The following THADA variants were observed in gnomAD, a reference collection of about 807,000 sequenced individuals.
THADA encodes the protein tRNA (32-2'-O)-methyltransferase regulator THADA.
A neutral mutation model predicts 219.8 loss-of-function variants in THADA; 213 were observed. The ratio of observed to expected loss-of-function variants is 0.97; its 90% CI spans 0.87 to 1.09. THADA has a LOEUF of 1.09. Ranked by LOEUF, THADA falls within the 50% of genes least tolerant of loss-of-function variation. The pLI is 0.00. For missense variants in THADA, 2,956 were observed against 2,311.3 expected (o/e 1.28, Z -5.72); for synonymous variants, 1,018 against 828.9 (o/e 1.23, Z -3.92).
intron 30 of THADA, chr2:43,343,839 A>G (rs1005713235): frequency 3.8e-5 from 12 of 314,686 alleles, no homozygotes; most frequent in Non-Finnish European, 6.2e-5. Flanking sequence ...AATATCTAAC[A>G]CAGGACTGGG....
intron 22 of THADA, among the ~76,000 whole-genome samples, chr2:43,514,270 T>A (rs1281891366): frequency 6.6e-6 from 1 of 150,530 alleles, no homozygotes; most frequent in Non-Finnish European, 1.5e-5. Context: ...GGCAACATGG[T>A]GAAACACTAT....
intron 22 of THADA, among the ~76,000 whole-genome samples, chr2:43,521,299 T>C (rs998231874): frequency 3.9e-5 from 6 of 152,080 alleles, no homozygotes; most frequent in Non-Finnish European, 8.8e-5. Flanking sequence ...CTCACTCCTG[T>C]AATCCAGCAC....
At chr2:43,548,248 G>A (rs1444435727) in intron 20 of THADA, among the ~76,000 whole-genome samples, 4 of 152,178 alleles carry the variant, frequency 2.6e-5, no homozygotes, top group Non-Finnish European at 5.9e-5. Context: ...AGGGGTACCC[G>A]GCCATGTGAG....
intron 26 of THADA, among the ~76,000 whole-genome samples, chr2:43,434,404 C>T (rs1372247013): frequency 1.3e-5 from 2 of 152,218 alleles, no homozygotes; most frequent in Non-Finnish European, 2.9e-5. Flanking sequence ...TGAAGACAGG[C>T]ACTCCTGCCT....
chr2:43,245,604 C>A (rs1453520360), intron 36 of THADA, among the ~76,000 whole-genome samples: 1 of 152,210 alleles, frequency 6.6e-6, no homozygotes, highest in East Asian at 1.9e-4. Flanking sequence ...CCACCCTCAA[C>A]CCTCTGAGCT....
intron 7 of THADA, among the ~76,000 whole-genome samples, chr2:43,582,937 T>C (rs754685886): frequency 1.3e-5 from 2 of 152,156 alleles, no homozygotes; most frequent in Non-Finnish European, 2.9e-5. Context: ...CCTTCTCGGA[T>C]ACCTTCACTA....
At chr2:43,489,443 C>T (rs1481458398) in intron 25 of THADA, among the ~76,000 whole-genome samples, 5 of 152,092 alleles carry the variant, frequency 3.3e-5, no homozygotes, top group Non-Finnish European at 7.3e-5. Flanking sequence ...GGTGTCATAT[C>T]TAACTAAATG....
At chr2:43,444,148 A>C (rs568071197) in intron 26 of THADA, among the ~76,000 whole-genome samples, 1 of 152,364 alleles carries the variant, frequency 6.6e-6, no homozygotes, top group South Asian at 2.1e-4. Flanking sequence ...CTTACCAACT[A>C]AATTTAGCCA....
intron 29 of THADA, among the ~76,000 whole-genome samples, chr2:43,350,313 A>G (rs1259548959): frequency 6.6e-6 from 1 of 152,242 alleles, no homozygotes; most frequent in East Asian, 1.9e-4. Context: ...AACAAGCCCA[A>G]TCACATCACT....
At chr2:43,552,834 C>T (rs754561948) in intron 17 of THADA, among the ~76,000 whole-genome samples, 16 of 152,060 alleles carry the variant, frequency 1.1e-4, no homozygotes, top group African/African-American at 2.9e-4. Flanking sequence ...AAAACTTACC[C>T]GTTAGCAGTC....
intron 3 of THADA, among the ~76,000 whole-genome samples, 169 bp downstream of exon 3, chr2:43,591,783 C>T (rs1701602137): frequency 1.3e-5 from 2 of 151,098 alleles, no homozygotes; most frequent in Admixed American, 1.3e-4. Context: ...TCTATTGCTG[C>T]TTTGAATACA....
At chr2:43,494,768 T>C (rs989337677) in intron 25 of THADA, among the ~76,000 whole-genome samples, 3 of 152,208 alleles carry the variant, frequency 2.0e-5, no homozygotes, top group Admixed American at 1.3e-4. Context: ...TAAGCAGATA[T>C]GTCTAATGCC....
chr2:43,286,474 C>T (rs753625439), intron 35 of THADA, among the ~76,000 whole-genome samples: 9 of 152,156 alleles, frequency 5.9e-5, no homozygotes, highest in Non-Finnish European at 1.0e-4. Context: ...GGAGTGGTGG[C>T]TCACACCTGT....
intron 7 of THADA, among the ~76,000 whole-genome samples, chr2:43,585,826 T>A (rs545268479): frequency 6.6e-6 from 1 of 152,204 alleles, no homozygotes; most frequent in South Asian, 2.1e-4. Flanking sequence ...GGAAAAGAGT[T>A]CTTTCACTTA....
chr2:43,444,267 T>G lies in THADA; in HGVS notation c.3837-13965A>C, dbSNP rs147319077. 5.1e-3 allele frequency among the ~76,000 whole-genome samples: 774 copies of G among 152,322 alleles called. 2 individuals are homozygous for G. Among genetic ancestry groups the G allele is most frequent in the Middle Eastern group, 0.017 (5 of 294 alleles). On this transcript the variant is annotated intron_variant, in intron 26 of 37. Coordinates refer to ENST00000405975, the MANE Select transcript of THADA (RefSeq NM_022065.5). ...TATCAAGAATGGTTCCATATCAATCTGAAGCCATTTTAACATAGTAGTCTC... is the reference window on the plus strand; with the variant it reads ...TATCAAGAATGGTTCCATATCAATCGGAAGCCATTTTAACATAGTAGTCTC...
At chr2:43,455,710 A>C (rs1288462132) in intron 26 of THADA, among the ~76,000 whole-genome samples, 2 of 152,252 alleles carry the variant, frequency 1.3e-5, no homozygotes, top group Non-Finnish European at 2.9e-5. Context: ...AGGATAGGTT[A>C]GGTTCTGGCT....
In THADA at chr2:43,567,828, G is replaced by A. The variant is rs530249707; in HGVS notation, c.2188-1007C>T. 4.6e-5 allele frequency among the ~76,000 whole-genome samples: 7 copies of A among 152,244 alleles called. No individual in the cohort carries two copies. In the South Asian group the frequency reaches 1.2e-3, roughly 27 times the overall value. The stretch of plus-strand genomic sequence containing the variant: ...AGTATATGCTCTAATCACTTTTAAT[G>A]GTTCCCAGTGAAGCTTCCAAATCCG... On this transcript the variant is annotated intron_variant, in intron 14 of 37. Coordinates refer to ENST00000405975, the MANE Select transcript of THADA (RefSeq NM_022065.5).
intron 29 of THADA, among the ~76,000 whole-genome samples, chr2:43,352,152 G>A (rs923540278): frequency 4.6e-5 from 7 of 152,134 alleles, no homozygotes; most frequent in African/African-American, 7.2e-5. Context: ...AGGAAGAGCT[G>A]TTTATATTTG....
chr2:43,578,213 T>A (rs1224136715), intron 9 of THADA, among the ~76,000 whole-genome samples: 1 of 151,966 alleles, frequency 6.6e-6, no homozygotes, highest in Non-Finnish European at 1.5e-5. Flanking sequence ...TGCAATCTTA[T>A]CTCACTGCAG....
Sources: allele counts gnomAD v4.1 joint callset (sites outside exome capture counted in the v4.1 genomes callset), GRCh38; gene constraint gnomAD v4.1.1; transcripts MANE v1.5; gene names NCBI Gene and HGNC (gene_info 2026-07-23, HGNC 2026-07-21).